FLNA: variants seen among roughly 807,000 people sequenced by gnomAD.
FLNA encodes the protein filamin-A.
FLNA carries 7 observed loss-of-function variants against 157.6 expected under a neutral mutation model. The ratio of observed to expected loss-of-function variants is 0.04; its 90% confidence interval spans 0.03 to 0.08. FLNA has a LOEUF of 0.08. Ranked by LOEUF, FLNA falls within the 10% of genes least tolerant of loss-of-function variation. The pLI, the probability that FLNA is intolerant of heterozygous loss-of-function variation, is 1.00. For synonymous variants in FLNA, 1,103 were observed against 1,060.8 expected (o/e 1.04, Z -0.77); for missense variants, 1,750 against 2,398.4 (o/e 0.73, Z 5.65).
intron 31 of FLNA, 50 bp downstream of exon 31, chrX:154,354,775 G>C: frequency 1.7e-6 from 2 of 1,210,268 alleles, no homozygotes; most frequent in African/African-American, 1.7e-5. Context: ...AGGGGAACAG[G>C]CCGGGACCTG....
chrX:154,362,613 G>T (rs782530514), intron 16 of FLNA, 35 bp from the exon 17 acceptor site: 1 of 1,210,608 alleles, frequency 8.3e-7, no homozygotes, highest in Non-Finnish European at 1.1e-6. Context: ...CTGAGACCTC[G>T]CAGGGACACC....
intron 47 of FLNA, 127 bp from the exon 48 acceptor site, chrX:154,349,163 C>A: frequency 1.3e-6 from 1 of 794,451 alleles, no homozygotes; most frequent in South Asian, 2.3e-5. Flanking sequence ...GCTGCCAGCA[C>A]CTCCCCAACC....
At chrX:154,369,044 A>G (rs1235097194) in intron 2 of FLNA, among the ~76,000 whole-genome samples, 1 of 112,633 alleles carries the variant, frequency 8.9e-6, no homozygotes, top group African/African-American at 3.2e-5. Flanking sequence ...TCATCTTTAG[A>G]AGCCCTGTCA....
chrX:154,366,952 C>G (rs1452103810), intron 5 of FLNA, 102 bp from the exon 6 acceptor site: 2 of 651,045 alleles, frequency 3.1e-6, no homozygotes, highest in East Asian at 3.3e-5. Context: ...CAGGCACATT[C>G]CAAACTGGGC....
chrX:154,370,490 G>A (rs1047064652), intron 2 of FLNA, among the ~76,000 whole-genome samples: 3 of 112,740 alleles, frequency 2.7e-5, no homozygotes, highest in Admixed American at 9.2e-5. Flanking sequence ...TCTCTAAACA[G>A]CTGTGGGGGG....
intron 2 of FLNA, among the ~76,000 whole-genome samples, chrX:154,368,689 C>T (rs1395898956): frequency 1.2e-4 from 14 of 112,943 alleles, no homozygotes; most frequent in Admixed American, 9.3e-4. Context: ...GCCACCACCC[C>T]CACTTCCTCT....
intron 30 of FLNA, among the ~76,000 whole-genome samples, chrX:154,356,358 C>T (rs957816103): frequency 7.1e-5 from 8 of 111,892 alleles, no homozygotes; most frequent in Non-Finnish European, 1.5e-4. Context: ...ACTGAGGTTA[C>T]TGAGTCTTGC....
intron 15 of FLNA, among the ~76,000 whole-genome samples, chrX:154,363,443 G>A (rs181390785): frequency 2.4e-4 from 26 of 108,570 alleles, no homozygotes; most frequent in African/African-American, 7.4e-4. Flanking sequence ...GGATGGGCGC[G>A]GTGGCTCATG....
At chrX:154,370,780 G>A (rs909912261) in intron 2 of FLNA, 93 bp downstream of exon 2, 163 of 985,361 alleles carry the variant, frequency 1.7e-4, no homozygotes, top group Non-Finnish European at 2.1e-4. Flanking sequence ...CTGCGGCCCG[G>A]AAGGGGGTGG....
chrX:154,357,710 C>T, intron 28 of FLNA, 87 bp from the exon 29 acceptor site: 1 of 864,149 alleles, frequency 1.2e-6, no homozygotes, highest in Non-Finnish European at 1.7e-6. Flanking sequence ...CCCAGCGCTG[C>T]TGCTACAGGG....
intron 19 of FLNA, 79 bp downstream of exon 19, chrX:154,361,900 A>C (rs782544362): frequency 9.0e-5 from 103 of 1,140,414 alleles, no homozygotes; most frequent in Non-Finnish European, 1.2e-4. Context: ...GAGTGGGCAG[A>C]AAGTCCCTCG....
chrX:154,357,884 T>C (rs1320217777), intron 28 of FLNA, among the ~76,000 whole-genome samples: 1 of 112,407 alleles, frequency 8.9e-6, no homozygotes, highest in Non-Finnish European at 1.9e-5. Context: ...TGGCCAGCAC[T>C]AGGAGGAGCT....
chrX:154,352,069 G>A (rs370891752), intron 41 of FLNA, 48 bp from the exon 42 acceptor site: 33 of 1,208,426 alleles, frequency 2.7e-5, no homozygotes, highest in East Asian at 8.9e-5. Context: ...CACCAGCCTC[G>A]GCCCCCTCCA....
chrX:154,366,615 T>G lies in FLNA; in HGVS notation c.1012A>C (p.Lys338Gln). Reference protein sequence around the residue: ...EEAKVTANNDKNRTFSVWYVP... With the variant: ...EEAKVTANNDQNRTFSVWYVP... Reference sequence around the variant, plus strand: ...TACCAGACGGAGAAGGTGCGGTTCTTGTCGTTATTGGCGGTCACTTTTGCC... The same window carrying G: ...TACCAGACGGAGAAGGTGCGGTTCTGGTCGTTATTGGCGGTCACTTTTGCC... The change falls in exon 7 of 48, where the codon AAG becomes CAG. Residue 338 changes from lysine (K) to glutamine (Q), a missense_variant. By Grantham distance (53) the Lys-to-Gln change is moderately conservative. Around this residue, in one of 5 missense-constraint regions of FLNA, gnomAD observed 648 missense variants for 805.8 expected, o/e 0.80. Transcript: ENST00000369850. The G allele has an allele frequency of 8.3e-7, 1 of 1,211,711 alleles. No individual in the cohort carries two copies. Among genetic ancestry groups the G allele is most frequent in the Non-Finnish European group, 1.1e-6 (1 of 895,256 alleles).
Position 154,371,214 on chromosome X carries a change from C to A in FLNA, c.32G>T (p.Ser11Ile), listed in dbSNP as rs782397616. Reference protein sequence around the residue: MSSSHSRAGQSAAGAAPGGGV... With the variant: MSSSHSRAGQIAAGAAPGGGV... ...GCCGCCCGGAGCCGCGCCTGCTGCG[C>A]TCTGGCCCGCCCGAGAGTGGGAGCT... Residue 11 changes from serine (S) to isoleucine (I), a missense_variant, in exon 2 of 48, where the codon AGC becomes ATC. By Grantham distance (142) the Ser-to-Ile change is moderately radical. Coordinates refer to ENST00000369850, the MANE Select transcript of FLNA (RefSeq NM_001110556.2). 8.3e-7 allele frequency: 1 copy of A among 1,199,826 alleles called. No individual in the cohort carries two copies. The highest frequency in any genetic ancestry group is 3.0e-5 in the East Asian group (1 of 33,462).
intron 30 of FLNA, among the ~76,000 whole-genome samples, chrX:154,356,744 G>A (rs1163897926): frequency 6.2e-5 from 7 of 112,509 alleles, no homozygotes; most frequent in African/African-American, 1.3e-4. Context: ...CCAAGCAGTC[G>A]ACACTGGCGC....
intron 18 of FLNA, 30 bp from the exon 19 acceptor site, chrX:154,362,178 C>G (rs1557178175): frequency 8.3e-7 from 1 of 1,209,608 alleles, no homozygotes; most frequent in Non-Finnish European, 1.1e-6. Context: ...CATGTAGGGG[C>G]ACCCTGCCCC....
intron 33 of FLNA, 39 bp from the exon 34 acceptor site, chrX:154,354,330 GCA>G (rs2067645837): frequency 1.7e-6 from 2 of 1,211,363 alleles, no homozygotes. Context: ...CAGCTCATTG[GCA>G]CAGTCTGGCC....
At chrX:154,364,760 A>G in intron 12 of FLNA, 41 bp from the exon 13 acceptor site, 3 of 1,206,872 alleles carry the variant, frequency 2.5e-6, no homozygotes, top group Non-Finnish European at 3.4e-6. Flanking sequence ...CTGGAGCCTC[A>G]GGGTGGGCCG....
Sources: gnomAD v4.1 joint callset for allele counts (sites outside exome capture counted in the v4.1 genomes callset) on GRCh38, gnomAD v4.1.1 for gene constraint, gnomAD v4.1.1 regional missense constraint, MANE v1.5 for transcripts, NCBI Gene and HGNC (gene_info 2026-07-23, HGNC 2026-07-21) for gene names.